DPP10: variants seen among roughly 807,000 people sequenced by gnomAD.
DPP10 encodes the protein dipeptidyl peptidase like 10.
Under a neutral mutation model 120.9 loss-of-function variants are expected in DPP10, and 33 were observed. That is an observed-to-expected ratio of 0.27 (90% CI 0.21 to 0.37). The LOEUF is 0.37. Among genes scored for constraint, DPP10 ranks in the 10% least tolerant of loss-of-function variants. The pLI is 1.00. For synonymous variants in DPP10, 337 were observed against 326.1 expected (o/e 1.03, Z -0.36); for missense variants, 816 against 942.8 (o/e 0.87, Z 1.76).
chr2:115,534,507 T>G (rs887578738), intron 5 of DPP10, among the ~76,000 whole-genome samples: 1 of 151,906 alleles, frequency 6.6e-6, no homozygotes, highest in Admixed American at 6.6e-5. Flanking sequence ...ATCCAGTCTA[T>G]CATTGTTGGA....
chr2:114,547,900 G>T (rs1045130120), intron 1 of DPP10, among the ~76,000 whole-genome samples: 6 of 152,170 alleles, frequency 3.9e-5, no homozygotes, highest in Non-Finnish European at 8.8e-5. Flanking sequence ...CCCAGCAGGG[G>T]TGGGCTGGTG....
chr2:115,269,462 C>T (rs747610405), intron 1 of DPP10, among the ~76,000 whole-genome samples: 29 of 152,118 alleles, frequency 1.9e-4, no homozygotes, highest in Non-Finnish European at 3.1e-4. Context: ...TCCAGTTAAG[C>T]GATTGACAGG....
At chr2:114,612,050 A>C (rs754405563) in intron 1 of DPP10, among the ~76,000 whole-genome samples, 49 of 152,344 alleles carry the variant, frequency 3.2e-4, no homozygotes, top group Non-Finnish European at 5.7e-4. Context: ...AACTACACAT[A>C]TACTCACACA....
At chr2:114,651,288 T>A (rs1198310353) in intron 1 of DPP10, among the ~76,000 whole-genome samples, 1 of 152,186 alleles carries the variant, frequency 6.6e-6, no homozygotes, top group African/African-American at 2.4e-5. Context: ...GTTCAAGGTA[T>A]TTCTTCCAAG....
intron 1 of DPP10, among the ~76,000 whole-genome samples, chr2:115,033,745 G>C (rs899514418): frequency 6.9e-6 from 1 of 145,540 alleles, no homozygotes. Context: ...CTATTGCCCA[G>C]ACTGTAGTGC....
chr2:115,147,154 T>C (rs1028211163), intron 1 of DPP10, among the ~76,000 whole-genome samples: 4 of 151,230 alleles, frequency 2.6e-5, no homozygotes, highest in African/African-American at 9.7e-5. Flanking sequence ...ATACTATATA[T>C]ACTATATATA....
chr2:115,623,579 C>A (rs2085136488), intron 5 of DPP10, among the ~76,000 whole-genome samples: 1 of 152,126 alleles, frequency 6.6e-6, no homozygotes, highest in Non-Finnish European at 1.5e-5. Flanking sequence ...AGCAACAAGA[C>A]CCCTGCTTTA....
chr2:115,361,491 C>T (rs2064763214), intron 3 of DPP10, among the ~76,000 whole-genome samples: 1 of 151,990 alleles, frequency 6.6e-6, no homozygotes, highest in East Asian at 1.9e-4. Context: ...ACCAGACATG[C>T]CCCTTTCCCA....
chr2:115,542,153 G>A (rs952295083), intron 5 of DPP10, among the ~76,000 whole-genome samples: 4 of 151,616 alleles, frequency 2.6e-5, no homozygotes, highest in South Asian at 2.1e-4. Context: ...TTTATTATAC[G>A]TAACTACCGC....
chr2:114,754,224 C>A (rs904394413), intron 1 of DPP10, among the ~76,000 whole-genome samples: 17 of 152,084 alleles, frequency 1.1e-4, no homozygotes, highest in Admixed American at 7.2e-4. Context: ...ACAGCATGGG[C>A]CGAGGCTTAG....
intron 1 of DPP10, among the ~76,000 whole-genome samples, chr2:114,457,463 G>A (rs919972056): frequency 1.3e-5 from 2 of 152,158 alleles, no homozygotes; most frequent in Non-Finnish European, 2.9e-5. Flanking sequence ...CCGGGACTAG[G>A]AGTAGGTCTG....
chr2:115,472,339 G>C (rs556154919), intron 3 of DPP10, among the ~76,000 whole-genome samples: 5 of 152,014 alleles, frequency 3.3e-5, no homozygotes, highest in Non-Finnish European at 7.4e-5. Flanking sequence ...ATTAGAAGTC[G>C]AATATGAACT....
chr2:114,688,298 A>T (rs191195681), intron 1 of DPP10, among the ~76,000 whole-genome samples: 141 of 152,098 alleles, frequency 9.3e-4, no homozygotes, highest in African/African-American at 3.2e-3. Flanking sequence ...AATATAAAAA[A>T]CATTTGAAAA....
At chr2:115,736,282 G>A (rs547175784) in intron 8 of DPP10, among the ~76,000 whole-genome samples, 1 of 152,152 alleles carries the variant, frequency 6.6e-6, no homozygotes, top group East Asian at 1.9e-4. Context: ...TATACAGGTG[G>A]GGCACACTGC....
intron 1 of DPP10, among the ~76,000 whole-genome samples, chr2:114,548,176 G>A (rs1320163895): frequency 6.6e-6 from 1 of 152,118 alleles, no homozygotes; most frequent in African/African-American, 2.4e-5. Context: ...AAAGACAGAG[G>A]CATCTATTAT....
chr2:114,949,693 T>C (rs968782656), intron 1 of DPP10, among the ~76,000 whole-genome samples: 2 of 152,164 alleles, frequency 1.3e-5, no homozygotes, highest in African/African-American at 4.8e-5. Flanking sequence ...TTGGGTTGGG[T>C]TAGCCCTGCT....
chr2:115,316,900 G>T (rs2420814), intron 2 of DPP10, among the ~76,000 whole-genome samples: 5,108 of 152,140 alleles, frequency 0.034, 278 homozygotes, highest in African/African-American at 0.12. Context: ...TTGAGCCTAG[G>T]AATTCAAAAC....
chr2:115,269,021 C>A (rs926276134), intron 1 of DPP10, among the ~76,000 whole-genome samples: 2 of 152,128 alleles, frequency 1.3e-5, no homozygotes, highest in Admixed American at 6.5e-5. Flanking sequence ...GTGGCACGCA[C>A]CTGTAGTCCC....
chr2:114,943,567 C>T (rs200926704), intron 1 of DPP10, among the ~76,000 whole-genome samples: 33 of 152,280 alleles, frequency 2.2e-4, no homozygotes, highest in Middle Eastern at 3.4e-3. Context: ...CCACCATACC[C>T]GGCCATGTGC....
Sources: allele counts gnomAD v4.1 joint callset (sites outside exome capture counted in the v4.1 genomes callset), GRCh38; gene constraint gnomAD v4.1.1; transcripts MANE v1.5; gene names NCBI Gene and HGNC (gene_info 2026-07-23, HGNC 2026-07-21).